Variants in BMPR1B observed in about 807,000 individuals in gnomAD.
BMPR1B encodes the protein bone morphogenetic protein receptor type 1B, also known as bone morphogenetic protein receptor type-1B.
BMPR1B carries 12 observed loss-of-function variants against 59.1 expected under a neutral mutation model. That is an observed-to-expected ratio of 0.20 (90% CI 0.13 to 0.33). The LOEUF (loss-of-function observed/expected upper bound fraction) is 0.33. BMPR1B is among the 10% of genes least tolerant of loss of function. BMPR1B has a pLI of 1.00. For missense variants in BMPR1B, 550 were observed against 610.9 expected, an observed-to-expected ratio of 0.90 and a Z score of 1.05; for synonymous variants, 237 against 207.3, an observed-to-expected ratio of 1.14 and a Z score of -1.23.
At chr4:95,037,179 C>T (rs1725316787) in intron 3 of BMPR1B, among the ~76,000 whole-genome samples, 1 of 152,078 alleles carries the variant, frequency 6.6e-6, no homozygotes, top group Non-Finnish European at 1.5e-5. Flanking sequence ...TACCTCCCAG[C>T]ATTAGAAAAT....
intron 10 of BMPR1B, among the ~76,000 whole-genome samples, chr4:95,132,360 T>C (rs1029445821): frequency 6.6e-6 from 1 of 152,130 alleles, no homozygotes; most frequent in Non-Finnish European, 1.5e-5. Context: ...GAAAAAGTCA[T>C]GGAGATTATT....
chr4:94,927,595 G>C (rs1183752568), intron 2 of BMPR1B, among the ~76,000 whole-genome samples: 4 of 152,086 alleles, frequency 2.6e-5, no homozygotes, highest in Admixed American at 2.6e-4. Flanking sequence ...AGTGATGTTA[G>C]GGAGGTCAGA....
At chr4:94,867,410 C>T (rs1726291688) in intron 1 of BMPR1B, among the ~76,000 whole-genome samples, 1 of 152,168 alleles carries the variant, frequency 6.6e-6, no homozygotes, top group Non-Finnish European at 1.5e-5. Context: ...GTGATGTCAC[C>T]AGATACACAG....
intron 3 of BMPR1B, among the ~76,000 whole-genome samples, chr4:95,075,600 G>A (rs557708710): frequency 1.3e-5 from 2 of 152,148 alleles, no homozygotes; most frequent in Non-Finnish European, 1.5e-5. Context: ...AGACTTTGTA[G>A]AACACAGTCA....
chr4:95,117,992 G>A (rs1282955367), intron 6 of BMPR1B, among the ~76,000 whole-genome samples: 4 of 152,092 alleles, frequency 2.6e-5, no homozygotes, highest in Admixed American at 6.6e-5. Flanking sequence ...AGGGCAGTGT[G>A]GAGATGAGGA....
chr4:94,988,346 C>T (rs547703144), intron 2 of BMPR1B, among the ~76,000 whole-genome samples: 204 of 152,112 alleles, frequency 1.3e-3, no homozygotes, highest in African/African-American at 4.7e-3. Flanking sequence ...ACAACTATAA[C>T]AAAAATAACT....
chr4:94,995,462 G>T (rs1047576155), intron 2 of BMPR1B, among the ~76,000 whole-genome samples: 2 of 152,130 alleles, frequency 1.3e-5, no homozygotes, highest in African/African-American at 4.8e-5. Context: ...TTACAAAACT[G>T]CTTTCCTGTG....
chr4:95,101,338 TAA>T (rs1223167450), intron 3 of BMPR1B, among the ~76,000 whole-genome samples: 1 of 152,092 alleles, frequency 6.6e-6, no homozygotes, highest in East Asian at 1.9e-4. Context: ...AATAGAAAAG[TAA>T]AGAAGGCATC....
At position 95,003,106 on chromosome 4, in the gene BMPR1B, T is replaced by A. The variant is rs1722566954; in HGVS notation, c.-18+6972T>A. 2.0e-5 allele frequency among the ~76,000 whole-genome samples: 3 copies of A among 152,282 alleles called. No homozygotes were observed. In the South Asian group the frequency reaches 6.2e-4, roughly 32 times the overall value. ...TTTTATGTGTTTTGAAACATAAGTA[T>A]GTTTTGAAATATTTTTATTAAAGCT... is the stretch of plus-strand genomic sequence containing the variant. On this transcript the variant is annotated intron_variant, in intron 3 of 12. Coordinates refer to ENST00000515059, the MANE Select transcript of BMPR1B (RefSeq NM_001203.3).
chr4:95,104,213 T>G (rs1731028290), intron 3 of BMPR1B, 195 bp from the exon 4 acceptor site: 1 of 627,688 alleles, frequency 1.6e-6, no homozygotes, highest in East Asian at 2.8e-5. Flanking sequence ...TATGGGTCTT[T>G]CTTTATTCTG....
intron 2 of BMPR1B, among the ~76,000 whole-genome samples, chr4:94,956,220 TTTC>T (rs1382121311): frequency 6.6e-6 from 1 of 152,068 alleles, no homozygotes; most frequent in Non-Finnish European, 1.5e-5. Context: ...CACCTGTTTG[TTTC>T]TTTTTTTTAA....
chr4:94,842,430 G>C (rs1422774861), intron 1 of BMPR1B, among the ~76,000 whole-genome samples: 1 of 151,984 alleles, frequency 6.6e-6, no homozygotes, highest in Non-Finnish European at 1.5e-5. Context: ...AGAAAACCAT[G>C]GTTTTCATAA....
chr4:95,038,575 T>C (rs897932520), intron 3 of BMPR1B, among the ~76,000 whole-genome samples: 1 of 152,212 alleles, frequency 6.6e-6, no homozygotes, highest in African/African-American at 2.4e-5. Context: ...TGATGAATAA[T>C]TTATGGTTCT....
intron 1 of BMPR1B, among the ~76,000 whole-genome samples, chr4:94,816,296 G>A (rs1335516098): frequency 2.0e-5 from 3 of 152,066 alleles, no homozygotes; most frequent in South Asian, 4.1e-4. Context: ...GCAGGTGCAC[G>A]CCACCAGGCC....
At chr4:95,121,583 G>A (rs1195147011) in intron 6 of BMPR1B, among the ~76,000 whole-genome samples, 1 of 152,142 alleles carries the variant, frequency 6.6e-6, no homozygotes, top group Non-Finnish European at 1.5e-5. Flanking sequence ...GCAAATGTAT[G>A]TATGCATATT....
chr4:95,079,209 G>T (rs1366712820), intron 3 of BMPR1B, among the ~76,000 whole-genome samples: 1 of 152,212 alleles, frequency 6.6e-6, no homozygotes, highest in Admixed American at 6.5e-5. Context: ...ACACAATTGA[G>T]ATAGGACAGA....
At chr4:94,964,507 A>G (rs1214679297) in intron 2 of BMPR1B, among the ~76,000 whole-genome samples, 1 of 152,186 alleles carries the variant, frequency 6.6e-6, no homozygotes, top group Non-Finnish European at 1.5e-5. Flanking sequence ...CCCATAGCAC[A>G]TAACTCAACA....
intron 3 of BMPR1B, among the ~76,000 whole-genome samples, chr4:95,061,509 C>T (rs1808516): frequency 0.01 from 1,587 of 152,140 alleles, 109 homozygotes; most frequent in Admixed American, 0.097. Flanking sequence ...GTTATGTAAA[C>T]AAACATGTGT....
intron 3 of BMPR1B, among the ~76,000 whole-genome samples, chr4:95,054,847 AC>A (rs2149194602): frequency 6.6e-6 from 1 of 152,288 alleles, no homozygotes; most frequent in African/African-American, 2.4e-5. Flanking sequence ...GCAACAATGT[AC>A]CCGTCCTGAC....
Sources: allele counts gnomAD v4.1 joint callset (sites outside exome capture counted in the v4.1 genomes callset), GRCh38; gene constraint gnomAD v4.1.1; transcripts MANE v1.5; gene names NCBI Gene and HGNC (gene_info 2026-07-23, HGNC 2026-07-21).